Variants in AUTS2 observed in about 807,000 individuals in gnomAD.
The protein encoded by AUTS2 is activator of transcription and developmental regulator AUTS2, also known as autism susceptibility gene 2 protein.
Under a neutral mutation model 112.4 loss-of-function variants are expected in AUTS2, and 17 were observed. That is an observed-to-expected ratio of 0.15 (90% CI 0.10 to 0.23). The LOEUF is 0.23. AUTS2 is among the 10% of genes least tolerant of loss of function. AUTS2 has a pLI of 1.00. For synonymous variants in AUTS2, 751 were observed against 702.7 expected (o/e 1.07, Z -1.09); for missense variants, 1,510 against 1,701.6 (o/e 0.89, Z 1.98).
chr7:69,769,641 T>G (rs193277476), intron 1 of AUTS2, among the ~76,000 whole-genome samples: 1 of 152,322 alleles, frequency 6.6e-6, no homozygotes, highest in East Asian at 1.9e-4. Flanking sequence ...CTGCCTTTAT[T>G]GTCTAGAAAT....
At chr7:70,515,008 A>G (rs570884361) in intron 5 of AUTS2, among the ~76,000 whole-genome samples, 21 of 152,126 alleles carry the variant, frequency 1.4e-4, no homozygotes, top group Non-Finnish European at 2.9e-4. Flanking sequence ...AGCTCTTTAT[A>G]TACTCTGGAT....
chr7:69,765,136 G>A (rs1336264190), intron 1 of AUTS2, among the ~76,000 whole-genome samples: 2 of 152,152 alleles, frequency 1.3e-5, no homozygotes, highest in Non-Finnish European at 2.9e-5. Context: ...TAGTTATATT[G>A]TCTTCTCTCC....
intron 4 of AUTS2, among the ~76,000 whole-genome samples, chr7:70,204,789 T>C (rs1810485229): frequency 6.6e-6 from 1 of 152,186 alleles, no homozygotes; most frequent in Admixed American, 6.5e-5. Flanking sequence ...AGAGATTAAG[T>C]ATTATCCTCA....
intron 1 of AUTS2, among the ~76,000 whole-genome samples, chr7:69,687,568 G>A (rs1797115701): frequency 6.6e-6 from 1 of 152,128 alleles, no homozygotes; most frequent in South Asian, 2.1e-4. Context: ...GTTCTTGTGG[G>A]TACCAGTGAT....
intron 4 of AUTS2, among the ~76,000 whole-genome samples, chr7:70,138,710 A>G (rs1450957225): frequency 4.6e-5 from 7 of 152,230 alleles, no homozygotes; most frequent in African/African-American, 9.6e-5. Context: ...AAACTGCCGC[A>G]TTATATAGTA....
intron 2 of AUTS2, among the ~76,000 whole-genome samples, chr7:70,024,745 AT>A (rs1394792085): frequency 6.6e-6 from 1 of 152,052 alleles, no homozygotes; most frequent in African/African-American, 2.4e-5. Flanking sequence ...TAGGTTGGAA[AT>A]TTGGCAAGAG....
chr7:70,109,156 CAT>C (rs974709097), intron 2 of AUTS2, among the ~76,000 whole-genome samples: 2 of 152,084 alleles, frequency 1.3e-5, no homozygotes, highest in African/African-American at 2.4e-5. Flanking sequence ...GTTATTGAAA[CAT>C]GTTTTTTAAA....
At chr7:69,810,136 G>A (rs1387646790) in intron 1 of AUTS2, among the ~76,000 whole-genome samples, 4 of 152,026 alleles carry the variant, frequency 2.6e-5, no homozygotes, top group East Asian at 1.9e-4. Context: ...TCCACTCCTC[G>A]TGCCTCCCAC....
intron 4 of AUTS2, among the ~76,000 whole-genome samples, chr7:70,318,303 C>T (rs1346703425): frequency 2.6e-5 from 4 of 151,620 alleles, no homozygotes; most frequent in Admixed American, 1.3e-4. Flanking sequence ...CTGTAGAGGC[C>T]AGTGTGAGGA....
chr7:70,349,844 A>G (rs1791668721), intron 4 of AUTS2, among the ~76,000 whole-genome samples: 1 of 152,222 alleles, frequency 6.6e-6, no homozygotes, highest in African/African-American at 2.4e-5. Context: ...TCTGTTCTTA[A>G]TCAGCTGGAC....
chr7:70,003,232 A>G (rs1175211132), intron 2 of AUTS2, among the ~76,000 whole-genome samples: 1 of 131,694 alleles, frequency 7.6e-6, no homozygotes, highest in Non-Finnish European at 1.5e-5. Flanking sequence ...TGAATATATT[A>G]TATATGAATA....
intron 1 of AUTS2, among the ~76,000 whole-genome samples, chr7:69,711,779 C>T (rs536229110): frequency 6.6e-6 from 1 of 152,162 alleles, no homozygotes; most frequent in South Asian, 2.1e-4. Flanking sequence ...GTCTTTGTAA[C>T]AAAGATTATT....
At chr7:69,629,008 C>T (rs1794097769) in intron 1 of AUTS2, among the ~76,000 whole-genome samples, 1 of 152,128 alleles carries the variant, frequency 6.6e-6, no homozygotes, top group African/African-American at 2.4e-5. Context: ...TACAATAACC[C>T]TTTGAGAAAG....
At chr7:69,841,052 T>C (rs1384986787) in intron 1 of AUTS2, among the ~76,000 whole-genome samples, 1 of 152,154 alleles carries the variant, frequency 6.6e-6, no homozygotes, top group East Asian at 1.9e-4. Context: ...GTGGTTCAAC[T>C]TAGCATCACA....
intron 1 of AUTS2, among the ~76,000 whole-genome samples, chr7:69,768,142 G>A (rs979322745): frequency 6.6e-6 from 1 of 152,172 alleles, no homozygotes; most frequent in Non-Finnish European, 1.5e-5. Context: ...ACAAGTCTCT[G>A]ATGCAATGGG....
chr7:70,078,359 C>T (rs1803138048), intron 2 of AUTS2, among the ~76,000 whole-genome samples: 1 of 152,138 alleles, frequency 6.6e-6, no homozygotes, highest in African/African-American at 2.4e-5. Flanking sequence ...CATCTTGCAA[C>T]TCAAAATACT....
chr7:70,689,627 T>C (rs979733485), intron 5 of AUTS2, among the ~76,000 whole-genome samples: 7 of 151,462 alleles, frequency 4.6e-5, no homozygotes, highest in African/African-American at 1.7e-4. Flanking sequence ...ATACAAAAAA[T>C]TAGCTGGGCA....
intron 5 of AUTS2, among the ~76,000 whole-genome samples, chr7:70,519,985 T>C (rs1799576718): frequency 6.6e-6 from 1 of 152,226 alleles, no homozygotes; most frequent in South Asian, 2.1e-4. Flanking sequence ...TTCAATTAGT[T>C]CTTTATATAT....
intron 4 of AUTS2, among the ~76,000 whole-genome samples, chr7:70,387,681 A>G (rs980494003): frequency 1.3e-5 from 2 of 152,114 alleles, no homozygotes; most frequent in African/African-American, 4.8e-5. Flanking sequence ...TTCTGTCTCT[A>G]TCACCTCCTT....
Sources: allele counts gnomAD v4.1 joint callset (sites outside exome capture counted in the v4.1 genomes callset), GRCh38; gene constraint gnomAD v4.1.1; transcripts MANE v1.5; gene names NCBI Gene and HGNC (gene_info 2026-07-23, HGNC 2026-07-21).